Variants in ELF1 observed in about 807,000 individuals in gnomAD.
ELF1 encodes E74 like ETS transcription factor 1.
Under a neutral mutation model 59.9 loss-of-function variants are expected in ELF1, and 24 were observed. The observed-to-expected ratio is 0.40, with a 90% confidence interval of 0.29 to 0.56. The LOEUF is 0.56. Among genes scored for constraint, ELF1 ranks in the 20% least tolerant of loss-of-function variants. The probability of loss-of-function intolerance (pLI) is 0.44; values close to 1 mark genes in which losing one functional copy is unlikely to be tolerated. For missense variants in ELF1, 627 were observed against 742.2 expected, an observed-to-expected ratio of 0.84 and a Z score of 1.80; for synonymous variants, 248 against 266.2, an observed-to-expected ratio of 0.93 and a Z score of 0.67.
In ELF1 at chr13:40,933,894, T is replaced by C; in HGVS notation, c.1391A>G (p.Gln464Arg). The C allele has an allele frequency of 6.2e-7, 1 of 1,614,278 alleles. No individual in the cohort carries two copies. The part of the protein sequence containing the change: ...STDPSAGTGS[Q>R]KFILQAIPSS... ...TGGAATGGCTTGTAAAATAAACTTCTGAGATCCAGTACCTGCTGATGGATC... is the reference window on the plus strand; with the variant it reads ...TGGAATGGCTTGTAAAATAAACTTCCGAGATCCAGTACCTGCTGATGGATC... The change falls in exon 9 of 9, where the codon CAG (glutamine) becomes CGG (arginine). Residue 464 changes from glutamine (Q) to arginine (R), a missense_variant. Gln to Arg is a conservative substitution (Grantham distance 43). Coordinates refer to ENST00000239882, the MANE Select transcript of ELF1 (RefSeq NM_172373.4).
intron 1 of ELF1, among the ~76,000 whole-genome samples, chr13:41,041,283 A>C (rs1462659328): frequency 6.7e-6 from 1 of 149,566 alleles, no homozygotes; most frequent in African/African-American, 2.5e-5. Context: ...AAAAAAACCT[A>C]TTACACCATC....
chr13:41,044,584 A>C (rs969192486), intron 1 of ELF1, among the ~76,000 whole-genome samples: 3 of 151,962 alleles, frequency 2.0e-5, no homozygotes, highest in Non-Finnish European at 2.9e-5. Context: ...TGTTTATATG[A>C]TGGATTACGT....
intron 2 of ELF1, among the ~76,000 whole-genome samples, chr13:40,971,438 A>G (rs894664044): frequency 6.6e-6 from 1 of 152,050 alleles, no homozygotes; most frequent in Non-Finnish European, 1.5e-5. Flanking sequence ...TTTAATAGAA[A>G]CGGGGTCTCC....
chr13:40,949,137 C>A (rs1184959052), intron 5 of ELF1, among the ~76,000 whole-genome samples: 1 of 152,016 alleles, frequency 6.6e-6, no homozygotes, highest in Non-Finnish European at 1.5e-5. Context: ...AGGCACCTGT[C>A]AACATGCCCG....
intron 8 of ELF1, among the ~76,000 whole-genome samples, chr13:40,938,379 T>C (rs1869925690): frequency 6.6e-6 from 1 of 152,166 alleles, no homozygotes; most frequent in South Asian, 2.1e-4. Context: ...ATACATGCAA[T>C]CACATGAAAT....
At chr13:41,006,199 G>T (rs984258954) in intron 1 of ELF1, among the ~76,000 whole-genome samples, 1 of 141,518 alleles carries the variant, frequency 7.1e-6, no homozygotes, top group Non-Finnish European at 1.6e-5. Context: ...CAACCAGAAG[G>T]ATCTTGCTCA....
chr13:41,025,061 T>G (rs566279052), intron 1 of ELF1, among the ~76,000 whole-genome samples: 1 of 152,180 alleles, frequency 6.6e-6, no homozygotes, highest in African/African-American at 2.4e-5. Flanking sequence ...ACTGATTTCT[T>G]AGAGGCAAAA....
intron 5 of ELF1, among the ~76,000 whole-genome samples, chr13:40,949,454 C>T (rs1870710564): frequency 6.6e-6 from 1 of 151,946 alleles, no homozygotes; most frequent in South Asian, 2.1e-4. Flanking sequence ...AACTCCTGAG[C>T]TCAAGGGATC....
chr13:41,048,300 C>T (rs1404816915), intron 1 of ELF1, among the ~76,000 whole-genome samples: 1 of 152,250 alleles, frequency 6.6e-6, no homozygotes, highest in African/African-American at 2.4e-5. Context: ...CACTGTCCGA[C>T]AAGCCCCAGT....
At chr13:41,040,286 T>A (rs1396977177) in intron 1 of ELF1, among the ~76,000 whole-genome samples, 1 of 152,212 alleles carries the variant, frequency 6.6e-6, no homozygotes, top group Non-Finnish European at 1.5e-5. Flanking sequence ...TATATCCCAT[T>A]ATATGGAATG....
At chr13:41,014,687 T>C (rs576697390) in intron 1 of ELF1, among the ~76,000 whole-genome samples, 43 of 152,148 alleles carry the variant, frequency 2.8e-4, no homozygotes, top group Non-Finnish European at 1.9e-4. Context: ...CAACCATTTA[T>C]ATGAAGCAGC....
chr13:41,039,024 AAAG>A (rs1440665239), intron 1 of ELF1, among the ~76,000 whole-genome samples: 1 of 151,064 alleles, frequency 6.6e-6, no homozygotes, highest in Non-Finnish European at 1.5e-5. Flanking sequence ...AAAAAAAAAA[AAAG>A]ACTTTCTATG....
chr13:40,955,824 C>T (rs1229752413), intron 3 of ELF1, among the ~76,000 whole-genome samples: 1 of 130,724 alleles, frequency 7.6e-6, no homozygotes, highest in Non-Finnish European at 1.7e-5. Flanking sequence ...AGGTGAGGGG[C>T]GCCTCTGCCC....
intron 2 of ELF1, among the ~76,000 whole-genome samples, chr13:40,979,750 T>C (rs1346641540): frequency 1.3e-5 from 2 of 152,228 alleles, no homozygotes; most frequent in East Asian, 1.9e-4. Flanking sequence ...TTTGTATATA[T>C]GTATGTTCAT....
intron 2 of ELF1, among the ~76,000 whole-genome samples, chr13:40,974,396 G>T (rs935813070): frequency 6.6e-6 from 1 of 152,174 alleles, no homozygotes; most frequent in African/African-American, 2.4e-5. Flanking sequence ...TAAAGGCACA[G>T]GCTGGGTTAC....
Position 40,982,140 on chromosome 13 carries a change from T to TA in ELF1, c.-87dup. 1 of 1,552,468 alleles carries TA rather than the reference T, an allele frequency of 6.4e-7. No homozygotes were observed. Among genetic ancestry groups the TA allele is most frequent in the Non-Finnish European group, 8.7e-7 (1 of 1,151,050 alleles). ...AGCAAAATCCAGTGACTGATTTGGG[T>TA]AAAAAACCCTCAGCTCTGTCTGTGG... On this transcript the variant is annotated 5_prime_UTR_variant, in exon 2 of 9. Transcript: ENST00000239882.
chr13:40,955,006 C>T (rs1827024675), intron 3 of ELF1, among the ~76,000 whole-genome samples: 1 of 149,820 alleles, frequency 6.7e-6, no homozygotes, highest in African/African-American at 2.5e-5. Context: ...AAGTGAGGAG[C>T]GTCTCTGCCA....
At chr13:41,039,386 A>C (rs1384687758) in intron 1 of ELF1, among the ~76,000 whole-genome samples, 1 of 152,012 alleles carries the variant, frequency 6.6e-6, no homozygotes, top group African/African-American at 2.4e-5. Context: ...TTACACAAGC[A>C]AATACATTTG....
At chr13:41,009,561 G>C (rs752774358) in intron 1 of ELF1, among the ~76,000 whole-genome samples, 26 of 152,116 alleles carry the variant, frequency 1.7e-4, no homozygotes, top group Non-Finnish European at 3.1e-4. Flanking sequence ...CAATATGATG[G>C]ATAAAAACAC....
Sources: gnomAD v4.1 joint callset for allele counts (sites outside exome capture counted in the v4.1 genomes callset) on GRCh38, gnomAD v4.1.1 for gene constraint, MANE v1.5 for transcripts, NCBI Gene and HGNC (gene_info 2026-07-23, HGNC 2026-07-21) for gene names.